The following PTK2B variants were observed in gnomAD, a reference collection of about 807,000 sequenced individuals.
PTK2B encodes the protein protein-tyrosine kinase 2-beta.
A neutral mutation model predicts 142.9 loss-of-function variants in PTK2B; 71 were observed. The observed-to-expected ratio is 0.50, with a 90% CI of 0.41 to 0.61. The LOEUF (loss-of-function observed/expected upper bound fraction) is 0.61, where lower values mean the gene tolerates loss of function less well. Among genes scored for constraint, PTK2B ranks in the 20% least tolerant of loss-of-function variants. PTK2B has a pLI of 0.00. For missense variants in PTK2B, 1,105 were observed against 1,320.4 expected (o/e 0.84, Z 2.53); for synonymous variants, 519 against 503.4 (o/e 1.03, Z -0.42).
Position 27,437,837 on chromosome 8 carries a change from T to G in PTK2B, c.1600T>G (p.Cys534Gly). 1 of 1,613,558 alleles carries G rather than the reference T, an allele frequency of 6.2e-7. No individual in the cohort carries two copies. Among genetic ancestry groups the G allele is most frequent in the Non-Finnish European group, 8.5e-7 (1 of 1,179,868 alleles). ...LTLVLYSLQICKAMAYLESIN... is the reference protein window; with the variant it reads ...LTLVLYSLQIGKAMAYLESIN... ...CCTCGTGCTGTACTCACTGCAGATA[T>G]GCAAAGCCATGGCCTACCTGGAGAG... Residue 534 changes from cysteine to glycine, a missense_variant, in exon 18 of 31, where the codon TGC becomes GGC. Cys to Gly is a radical substitution (Grantham distance 159). Transcript: ENST00000346049.
chr8:27,319,211 A>G (rs1346499218), intron 3 of PTK2B, among the ~76,000 whole-genome samples: 1 of 151,786 alleles, frequency 6.6e-6, no homozygotes, highest in Non-Finnish European at 1.5e-5. Flanking sequence ...TAACCCCCAC[A>G]TACCCATCAT....
At chr8:27,428,596 T>A (rs1032689808) in intron 5 of PTK2B, among the ~76,000 whole-genome samples, 3 of 152,200 alleles carry the variant, frequency 2.0e-5, no homozygotes, top group African/African-American at 7.2e-5. Flanking sequence ...GATACTTCTT[T>A]GTTAGGGAGG....
At chr8:27,375,831 AG>A (rs758201385) in intron 1 of PTK2B, among the ~76,000 whole-genome samples, 5 of 152,198 alleles carry the variant, frequency 3.3e-5, no homozygotes, top group Admixed American at 1.3e-4. Flanking sequence ...GTTTGTTCTC[AG>A]AAGAGCCGTG....
chr8:27,439,467 G>A lies in PTK2B; in HGVS notation c.1834+69G>A, dbSNP rs1267307496. On this transcript the variant is annotated intron_variant, in intron 20 of 30. Transcript: ENST00000346049. ...CACTTCTGAACCAGGCTAAGGGGGT[G>A]GGTGCAGGGAGCAGGGGTCTGACCT... 2.7e-6 allele frequency: 4 copies of A among 1,502,270 alleles called. No homozygotes were observed. In the African/African-American group the frequency reaches 4.1e-5, roughly 16 times the overall value. The allele number at this position is 1,502,270 out of a possible 1,614,324, so 93.1% of individuals were successfully genotyped here. A position where few individuals can be genotyped will look rare whatever the true frequency, so the allele number is the denominator to read the frequency against.
intron 2 of PTK2B, among the ~76,000 whole-genome samples, chr8:27,417,703 C>T (rs1241660689): frequency 2.6e-5 from 4 of 152,200 alleles, no homozygotes; most frequent in African/African-American, 7.2e-5. Flanking sequence ...CTGGGTGATG[C>T]GTACATGGGG....
intron 22 of PTK2B, 59 bp from the exon 23 acceptor site, chr8:27,444,147 T>G: frequency 5.4e-5 from 82 of 1,506,866 alleles, no homozygotes; most frequent in Non-Finnish European, 7.2e-5. Flanking sequence ...TTCCCCTTGG[T>G]GAGTTGTGTT....
chr8:27,433,604 G>A (rs1285342891), intron 11 of PTK2B, 52 bp downstream of exon 11: 4 of 1,464,162 alleles, frequency 2.7e-6, no homozygotes, highest in Middle Eastern at 1.7e-4. Context: ...CAGCACACCC[G>A]AGTCCCCAGA....
intron 1 of PTK2B, among the ~76,000 whole-genome samples, chr8:27,391,572 T>G (rs539060728): frequency 6.6e-6 from 1 of 152,340 alleles, no homozygotes; most frequent in Non-Finnish European, 1.5e-5. Flanking sequence ...TTTATTCCTG[T>G]AACCCTAGCA....
chr8:27,439,638 T>C (rs1039856945), intron 20 of PTK2B, among the ~76,000 whole-genome samples: 2 of 152,016 alleles, frequency 1.3e-5, no homozygotes, highest in Non-Finnish European at 2.9e-5. Context: ...GAGGCTCTTG[T>C]GACATGTGTG....
At chr8:27,433,330 C>G in intron 10 of PTK2B, 105 bp from the exon 11 acceptor site, 1 of 969,362 alleles carries the variant, frequency 1.0e-6, no homozygotes, top group South Asian at 1.5e-5. Flanking sequence ...CATTGGCATC[C>G]AGGCAAGGGT....
In PTK2B at chr8:27,445,908, C is replaced by T. The variant is rs200652368; in HGVS notation, c.2329C>T (p.His777Tyr). ...CCACCGGCACAATGTCTTCAAACGC[C>T]ACAGCATGCGGGTAAGAGGGCTCTG... is the stretch of plus-strand genomic sequence containing the variant. Reference protein sequence around the residue: ...PLHRHNVFKRHSMREEDFIQP... With the variant: ...PLHRHNVFKRYSMREEDFIQP... Residue 777 changes from histidine to tyrosine, a missense_variant, in exon 24 of 31, where the codon CAC becomes TAC. Transcript: ENST00000346049. 1.2e-6 allele frequency: 2 copies of T among 1,613,806 alleles called. No homozygotes were observed. The highest frequency in any genetic ancestry group is 4.5e-5 in the East Asian group (2 of 44,880).
At position 27,420,675 on chromosome 8, in the gene PTK2B, C is replaced by T. The variant is rs1809688683; in HGVS notation, c.402C>T (p.Arg134=). ...GTTGCAGGTATGACCTTCAAATCCG[C>T]TACTTGCCAGAAGACTTCATGGAGA... ...EAEWRYDLQI[R]YLPEDFMESL... Residue 134 remains arginine (R), a synonymous_variant, in exon 4 of 31, where the codon CGC becomes CGT. Transcript: ENST00000346049. 1 of 1,614,154 alleles carries T rather than the reference C, an allele frequency of 6.2e-7. No homozygotes were observed. The highest frequency in any genetic ancestry group is 8.5e-7 in the Non-Finnish European group (1 of 1,179,970).
rs1811755374 is a variant in PTK2B at position 27,450,808 on chromosome 8, A to C, written c.2400A>C (p.Glu800Asp). 1.3e-5 allele frequency: 21 copies of C among 1,614,160 alleles called. No homozygotes were observed. The highest frequency in any genetic ancestry group is 1.8e-5 in the Non-Finnish European group (21 of 1,180,008). Residue 800 changes from glutamate (E) to aspartate (D), a missense_variant, in exon 25 of 31, where the codon GAA (glutamate) becomes GAC (aspartate). By Grantham distance (45) the Glu-to-Asp change is conservative. Transcript: ENST00000346049. ...REEAQQLWEAEKVKMRQILDK... is the reference protein window; with the variant it reads ...REEAQQLWEADKVKMRQILDK... ...AGGCCCAGCAGCTGTGGGAGGCTGA[A>C]AAGGTCAAAATGCGGCAAATCCTGG...
rs758640859 is a variant in PTK2B at position 27,436,237 on chromosome 8, CTCTG to C, written c.1244-8_1244-5del. 5.0e-6 allele frequency: 8 copies of C among 1,613,436 alleles called. No individual in the cohort carries two copies. Among genetic ancestry groups the C allele is most frequent in the Non-Finnish European group, 5.9e-6 (7 of 1,179,506 alleles). On this transcript the variant is annotated splice_polypyrimidine_tract_variant and intron_variant, in intron 14 of 30. Transcript: ENST00000346049. ...GATCTCTGTGATCTGCGACTGTTTT[CTCTG>C]TCTGTGCAGGTCCACAGTATGGCAT...
chr8:27,340,291 G>C (rs1469319794), intron 1 of PTK2B, among the ~76,000 whole-genome samples: 1 of 152,240 alleles, frequency 6.6e-6, no homozygotes, highest in Non-Finnish European at 1.5e-5. Context: ...TTACCAAGAG[G>C]TGGCCCAAAA....
Position 27,442,975 on chromosome 8 carries a change from C to G in PTK2B, c.2140C>G (p.Pro714Ala). The G allele has an allele frequency of 6.2e-7, 1 of 1,613,458 alleles. No individual in the cohort carries two copies. Among genetic ancestry groups the G allele is most frequent in the Non-Finnish European group, 8.5e-7 (1 of 1,179,418 alleles). The change falls in exon 22 of 31, where the codon CCA (proline) becomes GCA (alanine). Residue 714 changes from proline to alanine, a missense_variant. Transcript: ENST00000346049. ...ILEPTAFQEP[P>A]PKPSRPKYRP... is the part of the protein sequence containing the mutation. ...GGAGCCCACAGCCTTCCAGGAACCCCCACCCAAGGTAAGCCAAGCCATGGC... is the reference window on the plus strand; with the variant it reads ...GGAGCCCACAGCCTTCCAGGAACCCGCACCCAAGGTAAGCCAAGCCATGGC...
At chr8:27,441,822 C>G (rs543509843) in intron 21 of PTK2B, among the ~76,000 whole-genome samples, 1 of 152,176 alleles carries the variant, frequency 6.6e-6, no homozygotes, top group East Asian at 1.9e-4. Context: ...GCTGGGAGTC[C>G]TGATTCACTC....
chr8:27,343,226 A>G (rs1367768190), intron 1 of PTK2B, among the ~76,000 whole-genome samples: 1 of 151,900 alleles, frequency 6.6e-6, no homozygotes, highest in Non-Finnish European at 1.5e-5. Flanking sequence ...TTGTTTGTTT[A>G]TTTTTTGCTC....
intron 2 of PTK2B, among the ~76,000 whole-genome samples, chr8:27,401,006 G>A (rs939926582): frequency 1.3e-5 from 2 of 152,146 alleles, no homozygotes; most frequent in Non-Finnish European, 2.9e-5. Context: ...GGGTATGGTG[G>A]TGTGCACCTG....
Sources: allele counts gnomAD v4.1 joint callset (sites outside exome capture counted in the v4.1 genomes callset), GRCh38; gene constraint gnomAD v4.1.1; transcripts MANE v1.5; gene names NCBI Gene and HGNC (gene_info 2026-07-23, HGNC 2026-07-21).